Variants in EPB41L1 observed in about 807,000 individuals in gnomAD.
EPB41L1 encodes erythrocyte membrane protein band 4.1 like 1, also known as band 4.1-like protein 1.
In EPB41L1, 29 loss-of-function variants were observed where a neutral mutation model predicts 97.8. That is an observed-to-expected ratio of 0.30 (90% CI 0.22 to 0.40). The LOEUF (loss-of-function observed/expected upper bound fraction) is 0.40, where lower values mean the gene tolerates loss of function less well. Among genes scored for constraint, EPB41L1 ranks in the 10% least tolerant of loss-of-function variants. The probability of loss-of-function intolerance (pLI) is 1.00; values close to 1 mark genes in which losing one functional copy is unlikely to be tolerated. For synonymous variants in EPB41L1, 383 were observed against 459.2 expected, an observed-to-expected ratio of 0.83 and a Z score of 2.12; for missense variants, 812 against 1,162.3, an observed-to-expected ratio of 0.70 and a Z score of 4.38.
At chr20:36,143,137 TTGTGTGTGTGTGTGTGTGTGTGTGTGTG>T (rs59256378) in intron 2 of EPB41L1, among the ~76,000 whole-genome samples, 4 of 130,710 alleles carry the variant, frequency 3.1e-5, no homozygotes, top group African/African-American at 8.5e-5. Flanking sequence ...GAGGGTGTGT[TTGTGTGTGTGTGTGTGTGTGTGTGTGTG>T]TGTGTGTGTG....
intron 2 of EPB41L1, among the ~76,000 whole-genome samples, chr20:36,128,184 C>T (rs1471046125): frequency 6.6e-6 from 1 of 152,190 alleles, no homozygotes; most frequent in Non-Finnish European, 1.5e-5. Context: ...GTCTCCCCAT[C>T]TATCACACAG....
rs749634256 is a variant in EPB41L1 at position 36,212,338 on chromosome 20, G to C, written c.2146G>C (p.Val716Leu). 1.2e-6 allele frequency: 2 copies of C among 1,614,074 alleles called. No individual in the cohort carries two copies. Among genetic ancestry groups the C allele is most frequent in the African/African-American group, 2.7e-5 (2 of 74,924 alleles). ...TAGAAAGAAGATTGAGCCGGAGGCC[G>C]TACTGCAGACCAGAGTCTCCGCTAT... ...AIRKKIEPEA[V>L]LQTRVSAMDN... The change falls in exon 16 of 22, where the codon GTA becomes CTA. Residue 716 changes from valine to leucine, a missense_variant. Physicochemically the swap from Val to Leu is conservative, Grantham distance 32. Transcript: ENST00000338074. This position sits in a 1 kb window ranked among gnomAD's most constrained non-coding sequence, Gnocchi z 4.8.
rs1389360140 is a variant in EPB41L1, at chr20:36,212,404, A to G, written c.2184+28A>G. On this transcript the variant is annotated intron_variant, in intron 16 of 21. Coordinates refer to ENST00000338074, the MANE Select transcript of EPB41L1 (RefSeq NM_012156.2). This position sits in a 1 kb window ranked among gnomAD's most constrained non-coding sequence, Gnocchi z 4.8. Reference sequence around the variant, plus strand: ...AACTTGTGCCTTCCAATGTACCCTAAGCATGGGTATTGGGCATTTGGTGGT... The same window carrying G: ...AACTTGTGCCTTCCAATGTACCCTAGGCATGGGTATTGGGCATTTGGTGGT... 7.6e-6 allele frequency: 12 copies of G among 1,587,646 alleles called. No individual in the cohort carries two copies. The highest frequency in any genetic ancestry group is 1.0e-5 in the Non-Finnish European group (12 of 1,156,152).
At chr20:36,181,534 T>A (rs1461707534) in intron 5 of EPB41L1, among the ~76,000 whole-genome samples, 2 of 152,194 alleles carry the variant, frequency 1.3e-5, no homozygotes, top group Non-Finnish European at 2.9e-5. Flanking sequence ...TATAATCCAA[T>A]CCTGTCTTCT....
At chr20:36,158,415 G>A (rs2060398948) in intron 1 of EPB41L1, among the ~76,000 whole-genome samples, 1 of 152,170 alleles carries the variant, frequency 6.6e-6, no homozygotes, top group Non-Finnish European at 1.5e-5. Flanking sequence ...GGGGACCTTT[G>A]AGCTGGGCAC....
At chr20:36,125,500 C>A (rs2058927296) in intron 2 of EPB41L1, 1 of 1,448,496 alleles carries the variant, frequency 6.9e-7, no homozygotes, top group Non-Finnish European at 9.4e-7. Flanking sequence ...TAGCAGAGAG[C>A]CTAGCACCTA....
At chr20:36,138,524 A>G (rs896585767) in intron 2 of EPB41L1, among the ~76,000 whole-genome samples, 4 of 152,172 alleles carry the variant, frequency 2.6e-5, no homozygotes, top group Non-Finnish European at 5.9e-5. Context: ...AGCCTCCCAA[A>G]GTGCTGGGAT....
In EPB41L1 at chr20:36,092,620, C is replaced by T. The variant is rs1464595992; in HGVS notation, c.-65+1008C>T. 6.6e-6 allele frequency: 1 copy of T among 150,952 alleles called. No homozygotes were observed. The highest frequency in any genetic ancestry group is 1.5e-5 in the Non-Finnish European group (1 of 67,656). The allele number at this position is 150,952 out of a possible 1,614,324, so 9.4% of individuals were successfully genotyped here. A position where few individuals can be genotyped will look rare whatever the true frequency, so the allele number is the denominator to read the frequency against. On this transcript the variant is annotated intron_variant, in intron 1 of 19. Coordinates refer to the EPB41L1 transcript ENST00000202028. This position sits in a 1 kb window ranked among gnomAD's most constrained non-coding sequence, Gnocchi z 7.0. ...TCCGGGGGAGCCGGCCGGGGCGGGGCGGAGCGGCGAGAGGGGGTGTGGGGG... is the reference window on the plus strand; with the variant it reads ...TCCGGGGGAGCCGGCCGGGGCGGGGTGGAGCGGCGAGAGGGGGTGTGGGGG...
intron 2 of EPB41L1, among the ~76,000 whole-genome samples, chr20:36,135,507 TTC>T (rs2059385150): frequency 6.6e-6 from 1 of 152,212 alleles, no homozygotes; most frequent in South Asian, 2.1e-4. Context: ...GGATTTCCGT[TTC>T]TCTCTCCATA....
At chr20:36,115,707 C>T (rs1316976864) in intron 2 of EPB41L1, among the ~76,000 whole-genome samples, 7 of 152,116 alleles carry the variant, frequency 4.6e-5, no homozygotes, top group Non-Finnish European at 1.0e-4. Flanking sequence ...GTCTGACCAA[C>T]ATGGTGAAAC....
intron 2 of EPB41L1, chr20:36,121,773 C>T (rs1437649666): frequency 6.6e-6 from 1 of 152,234 alleles, no homozygotes; most frequent in East Asian, 1.9e-4. Context: ...AAGGCAGACC[C>T]TGACACAGAA....
chr20:36,169,869 T>C (rs1487069277), intron 1 of EPB41L1, among the ~76,000 whole-genome samples: 1 of 152,216 alleles, frequency 6.6e-6, no homozygotes, highest in African/African-American at 2.4e-5. Flanking sequence ...TGCATGAGTG[T>C]TTAGCCATTT....
Position 36,126,596 on chromosome 20 carries a change from C to T in EPB41L1, c.-10+14116C>T, listed in dbSNP as rs139870610. On this transcript the variant is annotated intron_variant, in intron 2 of 19. Transcript: ENST00000202028. ...GGTCAGGCTGGTCTCAAACTCCCGA[C>T]CTCGGATGATCCGCCCGCCTCGGCC... 0.01 allele frequency among the ~76,000 whole-genome samples: 1,525 copies of T among 152,208 alleles called. 63 individuals are homozygous for T. In the East Asian group the frequency reaches 0.13, roughly 13 times the overall value.
Position 36,195,301 on chromosome 20 carries a change from T to G in EPB41L1, c.1450-28T>G. 6.2e-7 allele frequency: 1 copy of G among 1,614,002 alleles called. No homozygotes were observed. Among genetic ancestry groups the G allele is most frequent in the Non-Finnish European group, 8.5e-7 (1 of 1,179,962 alleles). ...CATCTGCTCTACTGACCCTGCTGCT[T>G]TCTTTCCCTCCTACCACATCCCACT... On this transcript the variant is annotated intron_variant, in intron 12 of 21. Coordinates refer to ENST00000338074, the MANE Select transcript of EPB41L1 (RefSeq NM_012156.2). This position sits in a 1 kb window ranked among gnomAD's most constrained non-coding sequence, Gnocchi z 4.6.
At chr20:36,106,322 C>G (rs1182006827) in intron 1 of EPB41L1, among the ~76,000 whole-genome samples, 1 of 152,202 alleles carries the variant, frequency 6.6e-6, no homozygotes, top group East Asian at 1.9e-4. Flanking sequence ...ATTTGGGCAC[C>G]CTGAGAATAG....
At chr20:36,167,618 G>C (rs1014461165) in intron 1 of EPB41L1, among the ~76,000 whole-genome samples, 2 of 151,958 alleles carry the variant, frequency 1.3e-5, no homozygotes, top group Non-Finnish European at 2.9e-5. Context: ...TGAGGCAGGA[G>C]AATTGCTTGA....
intron 2 of EPB41L1, among the ~76,000 whole-genome samples, chr20:36,120,326 G>A (rs1228999597): frequency 6.6e-6 from 1 of 152,188 alleles, no homozygotes; most frequent in Admixed American, 6.5e-5. Flanking sequence ...AAAACCAGAG[G>A]CTGTGCTGAG....
At chr20:36,211,790 G>A (rs192168368) in intron 15 of EPB41L1, among the ~76,000 whole-genome samples, 1 of 152,206 alleles carries the variant, frequency 6.6e-6, no homozygotes, top group Non-Finnish European at 1.5e-5. Flanking sequence ...GAAGGCAGAG[G>A]TTACAGTGAG....
At chr20:36,171,052 G>A (rs1437039418) in intron 1 of EPB41L1, among the ~76,000 whole-genome samples, 5 of 151,986 alleles carry the variant, frequency 3.3e-5, no homozygotes, top group African/African-American at 4.8e-5. Flanking sequence ...GAGTGGAAGT[G>A]TCTCCCGGCT....
Sources: allele counts gnomAD v4.1 joint callset (sites outside exome capture counted in the v4.1 genomes callset), GRCh38; gene constraint gnomAD v4.1.1; non-coding constraint Gnocchi (gnomAD v3.1); transcripts MANE v1.5; gene names NCBI Gene and HGNC (gene_info 2026-07-23, HGNC 2026-07-21).